BICD1: variants seen among roughly 807,000 people sequenced by gnomAD.
BICD1 encodes the protein BICD cargo adaptor 1.
Under a neutral mutation model 92.5 loss-of-function variants are expected in BICD1, and 35 were observed. That is an observed-to-expected ratio of 0.38 (90% CI 0.29 to 0.50). The LOEUF is 0.50. BICD1 is among the 20% of genes least tolerant of loss of function. BICD1 has a pLI of 0.93. For missense variants in BICD1, 950 were observed against 1,189.8 expected (o/e 0.80, Z 2.97); for synonymous variants, 429 against 465.1 (o/e 0.92, Z 1.00).
chr12:32,263,662 C>T (rs1946917106), intron 2 of BICD1, among the ~76,000 whole-genome samples: 1 of 152,114 alleles, frequency 6.6e-6, no homozygotes, highest in African/African-American at 2.4e-5. Context: ...AGCCAGTTCT[C>T]ACCTGGCAAT....
chr12:32,224,983 C>A (rs141452123), intron 2 of BICD1, among the ~76,000 whole-genome samples: 2,137 of 152,238 alleles, frequency 0.014, 20 homozygotes, highest in Non-Finnish European at 0.021. Flanking sequence ...TGAGTCACTG[C>A]GCCTGGCCAG....
At chr12:32,249,177 G>C (rs185039454) in intron 2 of BICD1, among the ~76,000 whole-genome samples, 46 of 152,232 alleles carry the variant, frequency 3.0e-4, no homozygotes, top group African/African-American at 1.1e-3. Context: ...CTTCAGGTGG[G>C]TAGGGTAGAG....
chr12:32,201,084 G>A (rs1461840654), intron 1 of BICD1, among the ~76,000 whole-genome samples: 1 of 152,082 alleles, frequency 6.6e-6, no homozygotes, highest in African/African-American at 2.4e-5. Context: ...CTTCCATCTT[G>A]GCTTTCAAAA....
chr12:32,232,830 A>G (rs1945932805), intron 2 of BICD1, among the ~76,000 whole-genome samples: 1 of 152,148 alleles, frequency 6.6e-6, no homozygotes, highest in African/African-American at 2.4e-5. Context: ...TCCCAGCACC[A>G]TTTATTAAAT....
chr12:32,210,283 C>T (rs907092646), intron 1 of BICD1, among the ~76,000 whole-genome samples: 31 of 152,216 alleles, frequency 2.0e-4, no homozygotes, highest in African/African-American at 7.2e-4. Context: ...AGTATTTTGT[C>T]TAATGTCCCT....
Position 32,327,376 on chromosome 12 carries a change from T to A in BICD1, c.1006-85T>A. ...TTGGCTCTGCTGCAGTGATTTTAAG[T>A]GTATACATGCCCGACTGTGAATGGA... On this transcript the variant is annotated intron_variant, in intron 4 of 9. Coordinates refer to ENST00000652176, the MANE Select transcript of BICD1 (RefSeq NM_001714.4). 5 of 1,457,620 alleles carry A rather than the reference T, an allele frequency of 3.4e-6. No individual in the cohort carries two copies. The South Asian group carries it at 7.4e-5, about 22-fold the overall frequency. The allele number at this position is 1,457,620 out of a possible 1,614,324, so 90.3% of individuals were successfully genotyped here.
At chr12:32,193,998 C>T (rs1207268817) in intron 1 of BICD1, among the ~76,000 whole-genome samples, 3 of 152,110 alleles carry the variant, frequency 2.0e-5, no homozygotes, top group African/African-American at 7.2e-5. Context: ...AAACATCATA[C>T]ACCATAATCA....
chr12:32,176,957 G>A (rs1944106419), intron 1 of BICD1, among the ~76,000 whole-genome samples: 1 of 151,350 alleles, frequency 6.6e-6, no homozygotes, highest in African/African-American at 2.4e-5. Flanking sequence ...GGGTCATAGG[G>A]TAGTTATATG....
chr12:32,161,002 C>A (rs1039615977), intron 1 of BICD1, among the ~76,000 whole-genome samples: 3 of 152,178 alleles, frequency 2.0e-5, no homozygotes, highest in Non-Finnish European at 4.4e-5. Flanking sequence ...GCTCTCTGAG[C>A]AATATCTTAA....
intron 2 of BICD1, among the ~76,000 whole-genome samples, chr12:32,289,863 T>C (rs1036976649): frequency 6.6e-6 from 1 of 152,258 alleles, no homozygotes; most frequent in African/African-American, 2.4e-5. Context: ...AGGAAATTCA[T>C]AGAAGCCTTT....
chr12:32,201,325 T>C (rs2121549254), intron 1 of BICD1, among the ~76,000 whole-genome samples: 1 of 152,314 alleles, frequency 6.6e-6, no homozygotes, highest in Middle Eastern at 3.4e-3. Flanking sequence ...TCTTAACAAG[T>C]TGTCCTTTAA....
At chr12:32,228,846 G>A (rs181335854) in intron 2 of BICD1, among the ~76,000 whole-genome samples, 1 of 151,902 alleles carries the variant, frequency 6.6e-6, no homozygotes, top group Admixed American at 6.7e-5. Flanking sequence ...GTTCAGTTTC[G>A]AACATGTTAA....
chr12:32,282,202 C>CTTCTTT (rs1947430802), intron 2 of BICD1, among the ~76,000 whole-genome samples: 1 of 94,236 alleles, frequency 1.1e-5, no homozygotes, highest in African/African-American at 4.5e-5. Flanking sequence ...AGGTCTTCTT[C>CTTCTTT]TTTTTTTTTT....
chr12:32,325,598 T>C (rs969130187), intron 4 of BICD1, among the ~76,000 whole-genome samples: 2 of 152,176 alleles, frequency 1.3e-5, no homozygotes, highest in African/African-American at 4.8e-5. Context: ...ATCATAAAAA[T>C]ACTACTCTAC....
intron 2 of BICD1, among the ~76,000 whole-genome samples, chr12:32,255,745 C>T (rs996317754): frequency 3.3e-5 from 5 of 152,312 alleles, no homozygotes; most frequent in East Asian, 3.9e-4. Flanking sequence ...GGCTCATTCT[C>T]ATCATTCAGG....
At chr12:32,177,528 G>A (rs939983849) in intron 1 of BICD1, among the ~76,000 whole-genome samples, 8 of 149,738 alleles carry the variant, frequency 5.3e-5, no homozygotes, top group African/African-American at 1.5e-4. Flanking sequence ...TAACATGTAT[G>A]TATATGTTCG....
At chr12:32,198,088 C>T (rs1189175013) in intron 1 of BICD1, among the ~76,000 whole-genome samples, 6 of 151,880 alleles carry the variant, frequency 4.0e-5, no homozygotes, top group South Asian at 4.2e-4. Context: ...GCCTGTAATC[C>T]CAGCTACTCG....
intron 8 of BICD1, among the ~76,000 whole-genome samples, chr12:32,358,433 T>C (rs1221651779): frequency 6.6e-6 from 1 of 151,222 alleles, no homozygotes; most frequent in Non-Finnish European, 1.5e-5. Context: ...AAAAAGCTTT[T>C]GTTCATTATA....
At chr12:32,121,030 G>A (rs942844578) in intron 1 of BICD1, among the ~76,000 whole-genome samples, 5 of 148,294 alleles carry the variant, frequency 3.4e-5, no homozygotes, top group African/African-American at 1.0e-4. Flanking sequence ...GTGCAGTGGC[G>A]TGATCTCAGC....
Sources: allele counts gnomAD v4.1 joint callset (sites outside exome capture counted in the v4.1 genomes callset), GRCh38; gene constraint gnomAD v4.1.1; transcripts MANE v1.5; gene names NCBI Gene and HGNC (gene_info 2026-07-23, HGNC 2026-07-21).